Variants in TFDP2 observed in about 807,000 individuals in gnomAD.
The protein encoded by TFDP2 is transcription factor Dp-2.
A neutral mutation model predicts 59.3 loss-of-function variants in TFDP2; 17 were observed. The observed-to-expected ratio is 0.29, with a 90% CI of 0.20 to 0.43. The LOEUF (loss-of-function observed/expected upper bound fraction) is 0.43, where lower values mean the gene tolerates loss of function less well. Ranked by LOEUF, TFDP2 falls within the 20% of genes least tolerant of loss-of-function variation. TFDP2 has a pLI of 1.00. For missense variants in TFDP2, 391 were observed against 528.8 expected, an observed-to-expected ratio of 0.74 and a Z score of 2.56; for synonymous variants, 180 against 194.7, an observed-to-expected ratio of 0.92 and a Z score of 0.63.
intron 1 of TFDP2, among the ~76,000 whole-genome samples, chr3:142,145,719 A>G (rs2063147740): frequency 6.6e-6 from 1 of 151,988 alleles, no homozygotes; most frequent in Non-Finnish European, 1.5e-5. Flanking sequence ...CTCTAAATAA[A>G]TAAATAAATA....
At position 142,082,496 on chromosome 3, in the gene TFDP2, G is replaced by A. The variant is rs573760969; in HGVS notation, c.82+10565C>T. Among the ~76,000 whole-genome samples the A allele has an allele frequency of 2.0e-5, 3 of 152,148 alleles. No homozygotes were observed. In the South Asian group the frequency reaches 6.2e-4, roughly 32 times the overall value. ...TTGGGGACCATTGAAATGGAGGAGA[G>A]ATGAATACTTCCAAATTCATTCTAC... On this transcript the variant is annotated intron_variant, in intron 3 of 12. Coordinates refer to ENST00000489671, the MANE Select transcript of TFDP2 (RefSeq NM_001178139.2).
In TFDP2 at chr3:141,945,646, A is replaced by G. The variant is rs1438862868; in HGVS notation, c.*6867T>C. On this transcript the variant is annotated 3_prime_UTR_variant, in exon 13 of 13. Coordinates refer to ENST00000489671, the MANE Select transcript of TFDP2 (RefSeq NM_001178139.2). ...AACAAGCCCAGAGGAGCTATTCAGGAGAAAAGTAGCCCCATTGTCAGTGAC... is the reference window on the plus strand; with the variant it reads ...AACAAGCCCAGAGGAGCTATTCAGGGGAAAAGTAGCCCCATTGTCAGTGAC... 2 of 152,226 alleles carry G rather than the reference A, an allele frequency of 1.3e-5. No homozygotes were observed. The highest frequency in any genetic ancestry group is 2.9e-5 in the Non-Finnish European group (2 of 68,060). 9.4% of individuals were successfully genotyped at this position (152,226 alleles called of 1,614,324 possible).
chr3:142,032,307 T>C lies in TFDP2; in HGVS notation c.83-26763A>G, dbSNP rs533384706. 1.7e-3 allele frequency among the ~76,000 whole-genome samples: 263 copies of C among 152,276 alleles called. 1 individual carries two copies. Among genetic ancestry groups the C allele is most frequent in the Non-Finnish European group, 2.8e-3 (189 of 68,008 alleles). Reference sequence around the variant, plus strand: ...TTTATAGAGACAGGGTTTTGCTATGTTGCCCAGGCTGAACTCCTAGGCTCA... The same window carrying C: ...TTTATAGAGACAGGGTTTTGCTATGCTGCCCAGGCTGAACTCCTAGGCTCA... On this transcript the variant is annotated intron_variant, in intron 3 of 12. Transcript: ENST00000489671.
chr3:142,069,480 G>A (rs1654770082), intron 3 of TFDP2, among the ~76,000 whole-genome samples: 1 of 152,106 alleles, frequency 6.6e-6, no homozygotes, highest in Admixed American at 6.6e-5. Flanking sequence ...ATATGTTAAT[G>A]TTAAATTAAT....
chr3:141,953,426 T>A (rs1936167992), intron 11 of TFDP2, among the ~76,000 whole-genome samples: 1 of 151,752 alleles, frequency 6.6e-6, no homozygotes, highest in African/African-American at 2.4e-5. Flanking sequence ...AAAGAGAAAA[T>A]CAAATCAGAA....
chr3:142,080,973 T>C (rs1316911121), intron 3 of TFDP2, among the ~76,000 whole-genome samples: 1 of 152,222 alleles, frequency 6.6e-6, no homozygotes, highest in African/African-American at 2.4e-5. Flanking sequence ...ATTTTCGCTA[T>C]AGACCAATTG....
At position 142,007,246 on chromosome 3, in the gene TFDP2, A is replaced by C. The variant is rs187039982; in HGVS notation, c.83-1702T>G. Among the ~76,000 whole-genome samples, 66 of 152,240 alleles carry C rather than the reference A, an allele frequency of 4.3e-4. No individual in the cohort carries two copies. The East Asian group carries it at 9.1e-3, about 21-fold the overall frequency. On this transcript the variant is annotated intron_variant, in intron 3 of 12. Coordinates refer to ENST00000489671, the MANE Select transcript of TFDP2 (RefSeq NM_001178139.2). ...TTTTCCCCCTAATTCCACATATAAA[A>C]ATCAAATTCTATTTCTTGTACCCAC...
chr3:141,974,272 T>C, intron 7 of TFDP2, 81 bp from the exon 8 acceptor site: 1 of 1,228,210 alleles, frequency 8.1e-7, no homozygotes. Flanking sequence ...CAAATTAATA[T>C]TACAACTTCA....
intron 6 of TFDP2, among the ~76,000 whole-genome samples, chr3:141,988,722 G>A (rs1009733209): frequency 2.2e-5 from 3 of 135,374 alleles, no homozygotes; most frequent in Admixed American, 8.3e-5. Context: ...AGGCTGGAGT[G>A]CAGTGGTGCA....
intron 4 of TFDP2, among the ~76,000 whole-genome samples, chr3:142,002,874 C>G (rs879341501): frequency 2.0e-5 from 3 of 152,110 alleles, no homozygotes; most frequent in Non-Finnish European, 4.4e-5. Context: ...TCTTATAGTT[C>G]TGGTGGCTGG....
intron 3 of TFDP2, among the ~76,000 whole-genome samples, chr3:142,044,730 G>A (rs1301840388): frequency 6.6e-6 from 1 of 152,144 alleles, no homozygotes; most frequent in Non-Finnish European, 1.5e-5. Flanking sequence ...CCAAGATCCT[G>A]TGAAATCATC....
intron 3 of TFDP2, among the ~76,000 whole-genome samples, chr3:142,092,722 C>T (rs1705615): frequency 0.89 from 135,610 of 152,230 alleles, 60,650 homozygotes; most frequent in African/African-American, 0.97. Flanking sequence ...CACATATATA[C>T]GTATTTTCTC....
intron 3 of TFDP2, among the ~76,000 whole-genome samples, chr3:142,010,983 C>T (rs1670397447): frequency 9.4e-6 from 1 of 106,760 alleles, no homozygotes; most frequent in East Asian, 2.6e-4. Context: ...CACTTTTACA[C>T]TGTTGGTGGG....
At chr3:142,028,992 C>T (rs1365967142) in intron 3 of TFDP2, 1 of 152,606 alleles carries the variant, frequency 6.6e-6, no homozygotes, top group Non-Finnish European at 1.5e-5. Context: ...TAACATTTTT[C>T]TAAATATCAC....
At chr3:142,075,387 C>T (rs75775761) in intron 3 of TFDP2, among the ~76,000 whole-genome samples, 3,426 of 152,268 alleles carry the variant, frequency 0.022, 56 homozygotes, top group Non-Finnish European at 0.034. Flanking sequence ...AATTTCTCCC[C>T]TTTTGAGCCA....
At chr3:142,064,614 T>C (rs927647261) in intron 3 of TFDP2, among the ~76,000 whole-genome samples, 1 of 152,230 alleles carries the variant, frequency 6.6e-6, no homozygotes, top group African/African-American at 2.4e-5. Flanking sequence ...GCGATTTACA[T>C]GTCTGCAGTG....
chr3:142,041,328 A>G (rs768925639), intron 3 of TFDP2, among the ~76,000 whole-genome samples: 6 of 152,284 alleles, frequency 3.9e-5, no homozygotes, highest in Non-Finnish European at 8.8e-5. Context: ...CCCCACCAAA[A>G]TCTCATCTTG....
rs549521302 is a variant in TFDP2, at chr3:142,033,196, T to C, written c.83-27652A>G. Reference sequence around the variant, plus strand: ...GGCGACTGAGTGAGACTCTGTCTTATAAAAATAGATAAATACATAAAATTA... The same window carrying C: ...GGCGACTGAGTGAGACTCTGTCTTACAAAAATAGATAAATACATAAAATTA... On this transcript the variant is annotated intron_variant, in intron 3 of 12. Coordinates refer to ENST00000489671, the MANE Select transcript of TFDP2 (RefSeq NM_001178139.2). Among the ~76,000 whole-genome samples, 25 of 152,254 alleles carry C rather than the reference T, an allele frequency of 1.6e-4. 1 individual carries two copies. In the East Asian group the frequency reaches 4.4e-3, roughly 27 times the overall value.
At chr3:142,003,836 C>T (rs907029832) in intron 4 of TFDP2, among the ~76,000 whole-genome samples, 2 of 152,146 alleles carry the variant, frequency 1.3e-5, no homozygotes, top group Non-Finnish European at 2.9e-5. Flanking sequence ...CCAAAATGCA[C>T]ATTAGTTCAA....
Sources: allele counts gnomAD v4.1 joint callset (sites outside exome capture counted in the v4.1 genomes callset), GRCh38; gene constraint gnomAD v4.1.1; transcripts MANE v1.5; gene names NCBI Gene and HGNC (gene_info 2026-07-23, HGNC 2026-07-21).